EBF1: variants seen among roughly 807,000 people sequenced by gnomAD.
The protein encoded by EBF1 is transcription factor COE1.
A neutral mutation model predicts 68.4 loss-of-function variants in EBF1; 10 were observed. That is an observed-to-expected ratio of 0.15 (90% CI 0.09 to 0.25). EBF1 has a LOEUF of 0.25. Among genes scored for constraint, EBF1 ranks in the 10% least tolerant of loss-of-function variants. The pLI, the probability that EBF1 is intolerant of heterozygous loss-of-function variation, is 1.00. For synonymous variants in EBF1, 298 were observed against 299.8 expected (o/e 0.99, Z 0.06); for missense variants, 509 against 794.4 (o/e 0.64, Z 4.32).
intron 6 of EBF1, among the ~76,000 whole-genome samples, chr5:158,920,747 T>C (rs1490986192): frequency 1.3e-5 from 2 of 150,678 alleles, no homozygotes; most frequent in Non-Finnish European, 3.0e-5. Flanking sequence ...CTTGGCTCCA[T>C]TTTTTTTTAA....
intron 6 of EBF1, among the ~76,000 whole-genome samples, chr5:158,914,905 T>A (rs1443979771): frequency 6.6e-6 from 1 of 152,248 alleles, no homozygotes; most frequent in African/African-American, 2.4e-5. Flanking sequence ...CCTCTCCATT[T>A]AATATGCAAA....
intron 6 of EBF1, among the ~76,000 whole-genome samples, chr5:159,035,509 T>A (rs2127757992): frequency 6.6e-6 from 1 of 152,304 alleles, no homozygotes; most frequent in East Asian, 1.9e-4. Context: ...AAGGAGGCAG[T>A]ACAGAGTGAT....
At chr5:158,769,306 G>A (rs766851179) in intron 10 of EBF1, among the ~76,000 whole-genome samples, 6 of 151,886 alleles carry the variant, frequency 4.0e-5, no homozygotes, top group African/African-American at 9.7e-5. Context: ...TCTCTCTCCC[G>A]GCCTTATCAC....
At chr5:158,867,131 C>G (rs898839192) in intron 6 of EBF1, among the ~76,000 whole-genome samples, 1 of 151,984 alleles carries the variant, frequency 6.6e-6, no homozygotes, top group East Asian at 1.9e-4. Context: ...AAGTTCTGCT[C>G]TATTGTGCCT....
intron 6 of EBF1, among the ~76,000 whole-genome samples, chr5:158,925,771 G>A (rs893152549): frequency 1.2e-4 from 19 of 152,206 alleles, no homozygotes; most frequent in African/African-American, 4.3e-4. Context: ...CTGTTATTTG[G>A]TAGGAGTGTG....
At chr5:159,059,279 C>T (rs1346402832) in intron 6 of EBF1, among the ~76,000 whole-genome samples, 1 of 151,970 alleles carries the variant, frequency 6.6e-6, no homozygotes, top group East Asian at 1.9e-4. Flanking sequence ...AGGAATTGGA[C>T]CTAATTCTGC....
rs545363872 is a variant in EBF1, at chr5:159,039,118, G to A, written c.554+34278C>T. On this transcript the variant is annotated intron_variant, in intron 6 of 15. Coordinates refer to ENST00000313708, the MANE Select transcript of EBF1 (RefSeq NM_024007.5). ...CCAAAACCAAAACAAAGAGTCTGTG[G>A]TATAAATGAGTTGGCCAAGATGCCT... Among the ~76,000 whole-genome samples the A allele has an allele frequency of 7.9e-5, 12 of 152,304 alleles. No homozygotes were observed. In the South Asian group the frequency reaches 2.3e-3, roughly 29 times the overall value.
At chr5:158,759,643 A>T (rs1003333540) in intron 10 of EBF1, among the ~76,000 whole-genome samples, 2 of 152,168 alleles carry the variant, frequency 1.3e-5, no homozygotes, top group African/African-American at 4.8e-5. Flanking sequence ...TATACTGTAC[A>T]AATTCTAAGG....
chr5:158,996,034 T>C (rs1393680579), intron 6 of EBF1, among the ~76,000 whole-genome samples: 1 of 152,290 alleles, frequency 6.6e-6, no homozygotes, highest in East Asian at 1.9e-4. Flanking sequence ...GCCTCCAGCC[T>C]AGGAGAATAC....
chr5:158,772,670 C>T (rs1051764617), intron 10 of EBF1, among the ~76,000 whole-genome samples: 1 of 152,032 alleles, frequency 6.6e-6, no homozygotes, highest in Non-Finnish European at 1.5e-5. Flanking sequence ...TAAACTGATG[C>T]CTATAGTTGT....
intron 10 of EBF1, 115 bp downstream of exon 10, chr5:158,777,298 A>T (rs1775491408): frequency 8.3e-7 from 1 of 1,203,198 alleles, no homozygotes; most frequent in African/African-American, 1.6e-5. Flanking sequence ...GAAGAAAGAA[A>T]GCAGGCTTTA....
At chr5:159,082,583 G>A (rs1779929094) in intron 5 of EBF1, among the ~76,000 whole-genome samples, 1 of 152,152 alleles carries the variant, frequency 6.6e-6, no homozygotes, top group South Asian at 2.1e-4. Context: ...GAAATAGGAT[G>A]GTGTGGAAAG....
chr5:158,983,555 A>G (rs1228550647), intron 6 of EBF1: 1 of 152,216 alleles, frequency 6.6e-6, no homozygotes, highest in African/African-American at 2.4e-5. Flanking sequence ...TAGTGTTTGA[A>G]GGTACATTTA....
intron 6 of EBF1, among the ~76,000 whole-genome samples, chr5:158,876,638 G>A (rs1797859878): frequency 6.6e-6 from 1 of 152,166 alleles, no homozygotes; most frequent in Non-Finnish European, 1.5e-5. Flanking sequence ...TTCAGTTTAA[G>A]AAGTTCAGAG....
chr5:158,855,700 GAGTA>G (rs1346689526), intron 6 of EBF1, among the ~76,000 whole-genome samples: 1 of 152,236 alleles, frequency 6.6e-6, no homozygotes, highest in Non-Finnish European at 1.5e-5. Context: ...CTAAGTGAAT[GAGTA>G]AGTAAGTAAA....
Position 158,874,643 on chromosome 5 carries a change from C to T in EBF1, c.555-34533G>A, listed in dbSNP as rs981715763. Among the ~76,000 whole-genome samples, 8 of 152,050 alleles carry T rather than the reference C, an allele frequency of 5.3e-5. No homozygotes were observed. In the East Asian group the frequency reaches 7.7e-4, roughly 15 times the overall value. On this transcript the variant is annotated intron_variant, in intron 6 of 15. Coordinates refer to ENST00000313708, the MANE Select transcript of EBF1 (RefSeq NM_024007.5). ...GTGTGTAGACAGGTTTTTTTTAGAACGATCATTCTGAGATCAAGAGCTAAA... is the reference window on the plus strand; with the variant it reads ...GTGTGTAGACAGGTTTTTTTTAGAATGATCATTCTGAGATCAAGAGCTAAA...
In EBF1 at chr5:158,696,785, T is replaced by C. The variant is rs947469344; in HGVS notation, c.*2326A>G. The C allele has an allele frequency of 1.5e-4, 21 of 136,402 alleles. No homozygotes were observed. The highest frequency in any genetic ancestry group is 5.8e-4 in the African/African-American group (19 of 32,662). The allele number at this position is 136,402 out of a possible 1,614,324, so 8.4% of individuals were successfully genotyped here. On this transcript the variant is annotated 3_prime_UTR_variant, in exon 16 of 16. Coordinates refer to ENST00000313708, the MANE Select transcript of EBF1 (RefSeq NM_024007.5). ...CTAGTGAAAACCATTGCAAAATCCA[T>C]ATGGGGGCATGCACAGTTGCAGCAT...
chr5:158,741,167 C>T (rs1250645975), intron 10 of EBF1, among the ~76,000 whole-genome samples: 1 of 152,214 alleles, frequency 6.6e-6, no homozygotes, highest in African/African-American at 2.4e-5. Flanking sequence ...CAGAATCAGA[C>T]TAAACACAGC....
intron 8 of EBF1, among the ~76,000 whole-genome samples, chr5:158,803,354 G>GTTT (rs34836103): frequency 7.5e-6 from 1 of 134,024 alleles, no homozygotes; most frequent in Non-Finnish European, 1.6e-5. Flanking sequence ...TTTTGCTGGT[G>GTTT]TTTTTTTTTT....
Sources: gnomAD v4.1 joint callset for allele counts (sites outside exome capture counted in the v4.1 genomes callset) on GRCh38, gnomAD v4.1.1 for gene constraint, MANE v1.5 for transcripts, NCBI Gene and HGNC (gene_info 2026-07-23, HGNC 2026-07-21) for gene names.